Variants in CRISP3 observed in about 807,000 individuals in gnomAD.
The protein encoded by CRISP3 is cysteine-rich secretory protein 3.
A neutral mutation model predicts 36.1 loss-of-function variants in CRISP3; 33 were observed. The ratio of observed to expected loss-of-function variants is 0.91; its 90% CI spans 0.69 to 1.22. CRISP3 has a LOEUF of 1.22. Ranked by LOEUF, CRISP3 falls within the 50% of genes most tolerant of loss-of-function variation. CRISP3 has a pLI of 0.00. For synonymous variants in CRISP3, 117 were observed against 104.6 expected (o/e 1.12, Z -0.72); for missense variants, 330 against 301.2 (o/e 1.10, Z -0.71).
At chr6:49,735,339 A>T (rs1197783806) in intron 4 of CRISP3, among the ~76,000 whole-genome samples, 165 bp downstream of exon 4, 2 of 152,176 alleles carry the variant, frequency 1.3e-5, no homozygotes. Flanking sequence ...AACAGTAAGC[A>T]CAGATGGTGC....
At chr6:49,735,382 A>G (rs1399026576) in intron 4 of CRISP3, 122 bp downstream of exon 4, 2 of 685,600 alleles carry the variant, frequency 2.9e-6, no homozygotes, top group Non-Finnish European at 5.0e-6. Flanking sequence ...TAGATAGTCC[A>G]TATTGAAAAA....
At chr6:49,743,542 G>A (rs763028840) in intron 1 of CRISP3, among the ~76,000 whole-genome samples, 3 of 152,186 alleles carry the variant, frequency 2.0e-5, no homozygotes, top group African/African-American at 7.2e-5. Context: ...GGGAAGAAAA[G>A]CATTTTACTT....
chr6:49,737,201 AC>A lies in CRISP3; in HGVS notation c.111+123del, dbSNP rs908878088. The A allele has an allele frequency of 4.4e-6, 3 of 688,844 alleles. No homozygotes were observed. The African/African-American group carries it at 5.3e-5, about 12-fold the overall frequency. 42.7% of individuals were successfully genotyped at this position (688,844 alleles called of 1,614,324 possible). A position where few individuals can be genotyped will look rare whatever the true frequency, so the allele number is the denominator to read the frequency against. On this transcript the variant is annotated intron_variant, in intron 2 of 7. Coordinates refer to ENST00000263045, the MANE Select transcript of CRISP3 (RefSeq NM_006061.4). ...ATAATTATGTTAACTACCTTGAGCT[AC>A]TAATGAGTACTTTATGATGTACCAG...
intron 1 of CRISP3, among the ~76,000 whole-genome samples, chr6:49,743,086 T>C (rs1212165896): frequency 1.3e-5 from 2 of 152,242 alleles, no homozygotes; most frequent in Non-Finnish European, 2.9e-5. Flanking sequence ...TATGCCAATA[T>C]GCAAAGTTTG....
chr6:49,735,617 T>C (rs1006373976), intron 3 of CRISP3, 26 bp from the exon 4 acceptor site: 2 of 1,566,858 alleles, frequency 1.3e-6, no homozygotes, highest in East Asian at 4.5e-5. Flanking sequence ...AAAAAAGATA[T>C]CCACTTAATG....
At chr6:49,728,894 C>G (rs984548135) in intron 7 of CRISP3, 37 bp from the exon 8 acceptor site, 5 of 1,581,928 alleles carry the variant, frequency 3.2e-6, no homozygotes, top group Non-Finnish European at 4.3e-6. Flanking sequence ...ACTTCATTAT[C>G]ATTTTCTTTC....
At chr6:49,740,842 C>T (rs998072304) in intron 1 of CRISP3, among the ~76,000 whole-genome samples, 2 of 151,910 alleles carry the variant, frequency 1.3e-5, no homozygotes, top group African/African-American at 4.8e-5. Flanking sequence ...TGGCTAATGC[C>T]TGTAATCCCA....
Position 49,743,483 on chromosome 6 carries a change from A to G in CRISP3, c.37+848T>C, listed in dbSNP as rs144037116. 1.0e-3 allele frequency among the ~76,000 whole-genome samples: 152 copies of G among 152,326 alleles called. 2 individuals carry two copies. Among genetic ancestry groups the G allele is most frequent in the African/African-American group, 3.4e-3 (141 of 41,588 alleles). ...CAGAAGAGGCAACACCGGATCTTCT[A>G]TGGCTATTGCAAATACTCCCAGAGT... On this transcript the variant is annotated intron_variant, in intron 1 of 7. Transcript: ENST00000263045.
At position 49,733,316 on chromosome 6, in the gene CRISP3, T is replaced by C. The variant is rs371349383; in HGVS notation, c.463-24A>G. 6.5e-5 allele frequency: 93 copies of C among 1,432,448 alleles called. No homozygotes were observed. In the South Asian group the frequency reaches 1.0e-3, roughly 16 times the overall value. The allele number at this position is 1,432,448 out of a possible 1,614,324, so 88.7% of individuals were successfully genotyped here. A position where few individuals can be genotyped will look rare whatever the true frequency, so the allele number is the denominator to read the frequency against. ...ACCTATAAACCAATAAGTGAAGATA[T>C]GAGAGCACATTAGAGAAGAAGGAAA... On this transcript the variant is annotated intron_variant, in intron 5 of 7. Coordinates refer to ENST00000263045, the MANE Select transcript of CRISP3 (RefSeq NM_006061.4).
chr6:49,733,650 C>CTT, intron 5 of CRISP3, 53 bp downstream of exon 5: 6 of 1,476,366 alleles, frequency 4.1e-6, no homozygotes, highest in Admixed American at 2.1e-5. Flanking sequence ...TTGAAGAATC[C>CTT]TTTTTTTTTA....
At position 49,731,286 on chromosome 6, in the gene CRISP3, A is replaced by T. The variant is rs957414050; in HGVS notation, c.561-35T>A. On this transcript the variant is annotated intron_variant, in intron 6 of 7. Coordinates refer to ENST00000263045, the MANE Select transcript of CRISP3 (RefSeq NM_006061.4). ...GAAATAAAAATGTCAAATATTTTTC[A>T]TTTTTATGTTTCGTTTATGTTCCAA... 13 of 1,429,760 alleles carry T rather than the reference A, an allele frequency of 9.1e-6. No homozygotes were observed. The African/African-American group carries it at 9.9e-5, about 11-fold the overall frequency. 88.6% of individuals were successfully genotyped at this position (1,429,760 alleles called of 1,614,324 possible). A position where few individuals can be genotyped will look rare whatever the true frequency, so the allele number is the denominator to read the frequency against.
At chr6:49,739,981 T>C (rs1206536740) in intron 1 of CRISP3, among the ~76,000 whole-genome samples, 1 of 152,228 alleles carries the variant, frequency 6.6e-6, no homozygotes, top group African/African-American at 2.4e-5. Context: ...AAGAAATTAA[T>C]AATTTATCTC....
rs201458274 is a variant in CRISP3, at chr6:49,729,180, C to T, written c.650-323G>A. On this transcript the variant is annotated intron_variant, in intron 7 of 7. Coordinates refer to ENST00000263045, the MANE Select transcript of CRISP3 (RefSeq NM_006061.4). ...TCCAAAATGGTAGATATTTGTCATG[C>T]GGTTGTTTAAACTTAAATTAATTAA... Among the ~76,000 whole-genome samples, 22 of 151,850 alleles carry T rather than the reference C, an allele frequency of 1.4e-4. No homozygotes were observed. In the South Asian group the frequency reaches 1.5e-3, roughly 10 times the overall value.
Position 49,731,270 on chromosome 6 carries a change from A to C in CRISP3, c.561-19T>G. The C allele has an allele frequency of 2.0e-6, 3 of 1,521,838 alleles. No homozygotes were observed. Among genetic ancestry groups the C allele is most frequent in the Non-Finnish European group, 2.7e-6 (3 of 1,108,570 alleles). The allele number at this position is 1,521,838 out of a possible 1,614,324, so 94.3% of individuals were successfully genotyped here. On this transcript the variant is annotated intron_variant, in intron 6 of 7. Coordinates refer to ENST00000263045, the MANE Select transcript of CRISP3 (RefSeq NM_006061.4). ...ATTACCACTGAAATTTGAAATAAAA[A>C]TGTCAAATATTTTTCATTTTTATGT...
intron 1 of CRISP3, among the ~76,000 whole-genome samples, chr6:49,739,110 C>T (rs1769136626): frequency 6.6e-6 from 1 of 152,244 alleles, no homozygotes; most frequent in East Asian, 1.9e-4. Context: ...TCAGAAATAA[C>T]TTAACCTGGC....
intron 7 of CRISP3, among the ~76,000 whole-genome samples, chr6:49,729,324 A>T (rs1391803095): frequency 6.6e-6 from 1 of 152,168 alleles, no homozygotes; most frequent in Non-Finnish European, 1.5e-5. Context: ...AATATTGAAC[A>T]TCTTCATCAC....
chr6:49,736,571 A>G, intron 2 of CRISP3, 64 bp from the exon 3 acceptor site: 2 of 1,165,334 alleles, frequency 1.7e-6, no homozygotes, highest in East Asian at 4.7e-5. Context: ...AATAGTAACT[A>G]TGTTAGTTCA....
chr6:49,728,781 C>T lies in CRISP3; in HGVS notation c.726G>A (p.Leu242=), dbSNP rs147634249. Residue 242 remains leucine, a synonymous_variant, in exon 8 of 8, where the codon TTG becomes TTA. Transcript: ENST00000263045. ...AGGAGGCCTTGCAACTGTCCCTGAC[C>T]AACTGATGTTTACAGGTTAATGTGA... ...LKLTLTCKHQ[L]VRDSCKASCN... 46 of 1,612,458 alleles carry T rather than the reference C, an allele frequency of 2.9e-5. No individual in the cohort carries two copies. The highest frequency in any genetic ancestry group is 3.9e-5 in the Non-Finnish European group (46 of 1,179,106).
intron 1 of CRISP3, among the ~76,000 whole-genome samples, chr6:49,741,828 C>T (rs1056993682): frequency 6.9e-6 from 1 of 145,030 alleles, no homozygotes; most frequent in Non-Finnish European, 1.5e-5. Flanking sequence ...AAAGTATATA[C>T]ATATATATAT....
Sources: gnomAD v4.1 joint callset for allele counts (sites outside exome capture counted in the v4.1 genomes callset) on GRCh38, gnomAD v4.1.1 for gene constraint, MANE v1.5 for transcripts, NCBI Gene and HGNC (gene_info 2026-07-23, HGNC 2026-07-21) for gene names.